Variants in CPE observed in about 807,000 individuals in gnomAD.
The protein encoded by CPE is carbocypeptidase E.
Under a neutral mutation model 53.5 loss-of-function variants are expected in CPE, and 17 were observed. That is an observed-to-expected ratio of 0.32 (90% CI 0.22 to 0.48). The LOEUF (loss-of-function observed/expected upper bound fraction) is 0.48, where lower values mean the gene tolerates loss of function less well. Ranked by LOEUF, CPE falls within the 20% of genes least tolerant of loss-of-function variation. CPE has a pLI of 0.99. For missense variants in CPE, 524 were observed against 614.7 expected (o/e 0.85, Z 1.56); for synonymous variants, 226 against 228.8 (o/e 0.99, Z 0.11).
At position 165,379,162 on chromosome 4, in the gene CPE, G is replaced by C. The variant is rs922167029; in HGVS notation, c.-60G>C. Reference sequence around the variant, plus strand: ...GCGCCGGCGGGCTAAGCCCAGGGCCGGGCAGACAAAAGAGGCCGCCCGCGT... The same window carrying C: ...GCGCCGGCGGGCTAAGCCCAGGGCCCGGCAGACAAAAGAGGCCGCCCGCGT... On this transcript the variant is annotated 5_prime_UTR_variant, in exon 1 of 9. Coordinates refer to ENST00000402744, the MANE Select transcript of CPE (RefSeq NM_001873.4). The surrounding 1 kb of genome is among the most constrained non-coding windows in gnomAD (Gnocchi z 6.0). 1.4e-5 allele frequency: 17 copies of C among 1,206,552 alleles called. No homozygotes were observed. In the Admixed American group the frequency reaches 4.4e-4, roughly 31 times the overall value. 74.7% of individuals were successfully genotyped at this position (1,206,552 alleles called of 1,614,324 possible). A position where few individuals can be genotyped will look rare whatever the true frequency, so the allele number is the denominator to read the frequency against.
chr4:165,399,314 T>C (rs937345244), intron 1 of CPE, among the ~76,000 whole-genome samples: 2 of 152,204 alleles, frequency 1.3e-5, no homozygotes, highest in Non-Finnish European at 2.9e-5. Context: ...TTCTACTAAT[T>C]ATAACTGTTG....
At chr4:165,380,768 C>T (rs2126649201) in intron 1 of CPE, among the ~76,000 whole-genome samples, 1 of 152,134 alleles carries the variant, frequency 6.6e-6, no homozygotes, top group South Asian at 2.1e-4. Context: ...TATTTCTTAC[C>T]TTCAAATAAT....
intron 8 of CPE, among the ~76,000 whole-genome samples, chr4:165,496,368 G>A (rs1206749707): frequency 6.6e-6 from 1 of 152,112 alleles, no homozygotes; most frequent in African/African-American, 2.4e-5. Context: ...GTTTTTAACT[G>A]GTATATGGTT....
intron 1 of CPE, among the ~76,000 whole-genome samples, chr4:165,454,029 C>T (rs143126414): frequency 1.3e-5 from 2 of 152,124 alleles, no homozygotes; most frequent in African/African-American, 4.8e-5. Flanking sequence ...AAATGTTTTA[C>T]AATCAGCTCT....
At chr4:165,412,591 T>C (rs1731059494) in intron 1 of CPE, among the ~76,000 whole-genome samples, 1 of 152,162 alleles carries the variant, frequency 6.6e-6, no homozygotes, top group Non-Finnish European at 1.5e-5. Flanking sequence ...GGGAGTAAGG[T>C]TTGAAATCCA....
At chr4:165,402,204 C>T (rs1174976985) in intron 1 of CPE, among the ~76,000 whole-genome samples, 1 of 152,072 alleles carries the variant, frequency 6.6e-6, no homozygotes, top group Non-Finnish European at 1.5e-5. Context: ...TAATAGTGGC[C>T]AACATTTTCA....
chr4:165,489,974 C>G (rs543531867), intron 6 of CPE, among the ~76,000 whole-genome samples: 1 of 152,296 alleles, frequency 6.6e-6, no homozygotes, highest in East Asian at 1.9e-4. Context: ...TTATAACCAG[C>G]TCATCTAGCT....
intron 4 of CPE, among the ~76,000 whole-genome samples, chr4:165,484,047 T>G (rs1322542378): frequency 2.6e-5 from 4 of 152,198 alleles, no homozygotes; most frequent in African/African-American, 9.7e-5. Context: ...ATGGTATATA[T>G]GAGAATGATT....
At chr4:165,494,643 C>G (rs1425613573) in intron 7 of CPE, among the ~76,000 whole-genome samples, 1 of 152,010 alleles carries the variant, frequency 6.6e-6, no homozygotes, top group Non-Finnish European at 1.5e-5. Flanking sequence ...GGACTGGGTC[C>G]AAGACAGAAT....
chr4:165,406,012 C>A, intron 1 of CPE: 1 of 753,518 alleles, frequency 1.3e-6, no homozygotes, highest in South Asian at 1.4e-5. Context: ...CTTGAGGGGT[C>A]TTGCAAGTGG....
intron 1 of CPE, among the ~76,000 whole-genome samples, chr4:165,435,549 G>A (rs975974483): frequency 6.6e-6 from 1 of 152,148 alleles, no homozygotes; most frequent in Admixed American, 6.6e-5. Flanking sequence ...TTTTTTCTGT[G>A]TAATAAGTTA....
Position 165,450,040 on chromosome 4 carries a change from T to C in CPE, c.308-14350T>C, listed in dbSNP as rs187388490. ...TGACATTTTGAGATAGTAGATAAAGTTTACTTGGGACACACATGAAATTAA... is the reference window on the plus strand; with the variant it reads ...TGACATTTTGAGATAGTAGATAAAGCTTACTTGGGACACACATGAAATTAA... On this transcript the variant is annotated intron_variant, in intron 1 of 8. Transcript: ENST00000402744. 3.3e-3 allele frequency among the ~76,000 whole-genome samples: 509 copies of C among 152,284 alleles called. 2 individuals carry two copies. The highest frequency in any genetic ancestry group is 6.8e-3 in the Middle Eastern group (2 of 294).
At chr4:165,466,581 A>C (rs1334063579) in intron 2 of CPE, among the ~76,000 whole-genome samples, 1 of 151,894 alleles carries the variant, frequency 6.6e-6, no homozygotes, top group African/African-American at 2.4e-5. Context: ...CAATGGCATG[A>C]TCTCGGCTCA....
intron 1 of CPE, among the ~76,000 whole-genome samples, chr4:165,434,346 G>A (rs1027501376): frequency 5.9e-5 from 9 of 152,092 alleles, no homozygotes; most frequent in Non-Finnish European, 1.0e-4. Flanking sequence ...TGTGAACATT[G>A]ATATTGGAGA....
chr4:165,388,910 C>G (rs1730639296), intron 1 of CPE, among the ~76,000 whole-genome samples: 1 of 152,082 alleles, frequency 6.6e-6, no homozygotes, highest in Admixed American at 6.5e-5. Context: ...CAGTCTTATT[C>G]ATTGTGGGAA....
At chr4:165,427,055 T>C (rs1319908800) in intron 1 of CPE, among the ~76,000 whole-genome samples, 11 of 152,234 alleles carry the variant, frequency 7.2e-5, no homozygotes, top group Admixed American at 6.5e-4. Context: ...GGCCCTTAGC[T>C]TGAGTTACTC....
intron 3 of CPE, among the ~76,000 whole-genome samples, chr4:165,470,322 G>C (rs1732183246): frequency 6.6e-6 from 1 of 152,074 alleles, no homozygotes; most frequent in South Asian, 2.1e-4. Context: ...CTTCCCTTGG[G>C]GTGGGCTGTC....
At chr4:165,402,471 G>A (rs1730884071) in intron 1 of CPE, among the ~76,000 whole-genome samples, 1 of 152,146 alleles carries the variant, frequency 6.6e-6, no homozygotes, top group Non-Finnish European at 1.5e-5. Context: ...TGTTGGAGAC[G>A]GAGCCTGTTG....
At chr4:165,451,830 C>T (rs1026780637) in intron 1 of CPE, among the ~76,000 whole-genome samples, 2 of 151,994 alleles carry the variant, frequency 1.3e-5, no homozygotes, top group Non-Finnish European at 2.9e-5. Context: ...AAAAGAAAAC[C>T]GAGGCTAGGG....
Sources: allele counts gnomAD v4.1 joint callset (sites outside exome capture counted in the v4.1 genomes callset), GRCh38; gene constraint gnomAD v4.1.1; non-coding constraint Gnocchi (gnomAD v3.1); transcripts MANE v1.5; gene names NCBI Gene and HGNC (gene_info 2026-07-23, HGNC 2026-07-21).